XXYLT1: variants seen among roughly 807,000 people sequenced by gnomAD.
XXYLT1 encodes the protein UDP-xylose:alpha-xyloside alpha-1,3-xylosyltransferase.
A neutral mutation model predicts 28.9 loss-of-function variants in XXYLT1; 20 were observed. The observed-to-expected ratio is 0.69, with a 90% CI of 0.49 to 1.00. The LOEUF (loss-of-function observed/expected upper bound fraction) is 1.00. Ranked by LOEUF, XXYLT1 falls within the 50% of genes least tolerant of loss-of-function variation. The pLI, the probability that XXYLT1 is intolerant of heterozygous loss-of-function variation, is 0.00. For synonymous variants in XXYLT1, 257 were observed against 253.8 expected (o/e 1.01, Z -0.12); for missense variants, 542 against 560.1 (o/e 0.97, Z 0.33).
intron 1 of XXYLT1, among the ~76,000 whole-genome samples, chr3:195,249,223 C>T (rs892057343): frequency 2.6e-5 from 4 of 152,190 alleles, no homozygotes; most frequent in Non-Finnish European, 1.5e-5. Flanking sequence ...ACCTACTCAC[C>T]TAATTCACCT....
At chr3:195,218,629 C>A (rs1373721313) in intron 2 of XXYLT1, among the ~76,000 whole-genome samples, 1 of 152,150 alleles carries the variant, frequency 6.6e-6, no homozygotes, top group African/African-American at 2.4e-5. Flanking sequence ...CATCTCACAC[C>A]GGTTCGAATG....
chr3:195,227,178 T>A (rs888339984), intron 1 of XXYLT1, among the ~76,000 whole-genome samples: 6 of 152,104 alleles, frequency 3.9e-5, no homozygotes, highest in Non-Finnish European at 8.8e-5. Flanking sequence ...CTTTTGAACA[T>A]GAAGCTGGGC....
At chr3:195,202,180 A>T (rs1368903034) in intron 2 of XXYLT1, among the ~76,000 whole-genome samples, 1 of 152,160 alleles carries the variant, frequency 6.6e-6, no homozygotes, top group Non-Finnish European at 1.5e-5. Context: ...CCGTCTCAAA[A>T]AAAAAGAGTA....
At chr3:195,105,306 C>T (rs1053008489) in intron 3 of XXYLT1, among the ~76,000 whole-genome samples, 3 of 152,156 alleles carry the variant, frequency 2.0e-5, no homozygotes, top group Admixed American at 6.5e-5. Context: ...TTTTAACAGA[C>T]GAATTTTCCC....
At position 195,078,084 on chromosome 3, in the gene XXYLT1, C is replaced by T. The variant is rs570428714; in HGVS notation, c.786-7973G>A. Among the ~76,000 whole-genome samples the T allele has an allele frequency of 7.9e-5, 12 of 152,192 alleles. No individual in the cohort carries two copies. In the East Asian group the frequency reaches 1.2e-3, roughly 15 times the overall value. ...TAAGCCTGGATCCCTACTCAGACGG[C>T]GGAGCCAGAAACAGCCATGGCGGAG... On this transcript the variant is annotated intron_variant, in intron 3 of 3. Coordinates refer to ENST00000310380, the MANE Select transcript of XXYLT1 (RefSeq NM_152531.5). This position sits in a 1 kb window ranked among gnomAD's most constrained non-coding sequence, Gnocchi z 5.0.
chr3:195,199,157 C>T (rs577951572), intron 2 of XXYLT1, among the ~76,000 whole-genome samples: 2 of 151,834 alleles, frequency 1.3e-5, no homozygotes, highest in South Asian at 4.2e-4. Context: ...GAGCATGGCC[C>T]GCAGGAGAGG....
chr3:195,156,644 C>T, intron 2 of XXYLT1, 63 bp from the exon 3 acceptor site: 1 of 1,586,220 alleles, frequency 6.3e-7, no homozygotes, highest in Admixed American at 1.8e-5. Context: ...CGGCCACGGA[C>T]AGAAAATGAA....
rs1345108970 is a variant in XXYLT1 at position 195,088,476 on chromosome 3, G to A, written c.786-18365C>T. The stretch of plus-strand genomic sequence containing the variant: ...CTGCAGCTGAGGGTCCTGTCTGTTA[G>A]AAGGAAAACTAACAAACAGAAAGGA... On this transcript the variant is annotated intron_variant, in intron 3 of 3. Transcript: ENST00000310380. 4.9e-5 allele frequency among the ~76,000 whole-genome samples: 7 copies of A among 142,256 alleles called. 1 individual carries two copies. The highest frequency in any genetic ancestry group is 2.5e-4 in the South Asian group (1 of 4,002). 93.3% of individuals were successfully genotyped at this position (142,256 alleles called of 152,430 possible).
At chr3:195,140,520 T>C (rs966039182) in intron 3 of XXYLT1, among the ~76,000 whole-genome samples, 13 of 152,184 alleles carry the variant, frequency 8.5e-5, no homozygotes, top group African/African-American at 3.1e-4. Context: ...AGAGGTTTAA[T>C]AGACCCACAG....
intron 3 of XXYLT1, among the ~76,000 whole-genome samples, chr3:195,125,689 A>G (rs1252566364): frequency 1.3e-5 from 2 of 152,234 alleles, no homozygotes; most frequent in Non-Finnish European, 2.9e-5. Context: ...AAGAAGCCAT[A>G]TTGATTTTCA....
At chr3:195,112,434 ACACG>A (rs10572344) in intron 3 of XXYLT1, among the ~76,000 whole-genome samples, 70,710 of 150,204 alleles carry the variant, frequency 0.47, 17,736 homozygotes, top group Non-Finnish European at 0.55. Flanking sequence ...ACATGCACAC[ACACG>A]CACGCACACC....
chr3:195,141,993 A>C (rs1278399853), intron 3 of XXYLT1, among the ~76,000 whole-genome samples: 1 of 152,256 alleles, frequency 6.6e-6, no homozygotes, highest in Non-Finnish European at 1.5e-5. Context: ...CACGTGATTC[A>C]TGTAATCACA....
At position 195,076,740 on chromosome 3, in the gene XXYLT1, A is replaced by T. The variant is rs763154209; in HGVS notation, c.786-6629T>A. Among the ~76,000 whole-genome samples, 2 of 151,896 alleles carry T rather than the reference A, an allele frequency of 1.3e-5. No individual in the cohort carries two copies. Among genetic ancestry groups the T allele is most frequent in the Non-Finnish European group, 2.9e-5 (2 of 67,960 alleles). On this transcript the variant is annotated intron_variant, in intron 3 of 3. Coordinates refer to ENST00000310380, the MANE Select transcript of XXYLT1 (RefSeq NM_152531.5). This position sits in a 1 kb window ranked among gnomAD's most constrained non-coding sequence, Gnocchi z 5.3. ...CCTGGTGGCTTGCTGGCAGTCTGGG[A>T]TCCTGGGAGAGGCATCACCCTGCTC...
At chr3:195,222,217 G>T (rs2108796402) in intron 2 of XXYLT1, among the ~76,000 whole-genome samples, 1 of 152,348 alleles carries the variant, frequency 6.6e-6, no homozygotes, top group South Asian at 2.1e-4. Flanking sequence ...ATCAGAATGG[G>T]CATAAGCTCC....
At chr3:195,243,544 G>C (rs1724874306) in intron 1 of XXYLT1, among the ~76,000 whole-genome samples, 1 of 152,140 alleles carries the variant, frequency 6.6e-6, no homozygotes, top group Non-Finnish European at 1.5e-5. Context: ...CTTAAATGAG[G>C]TTTTCCTGGA....
At position 195,069,745 on chromosome 3, in the gene XXYLT1, C is replaced by T. The variant is rs371669592; in HGVS notation, c.1152G>A (p.Gly384=). 15 of 1,613,610 alleles carry T rather than the reference C, an allele frequency of 9.3e-6. No homozygotes were observed. Among genetic ancestry groups the T allele is most frequent in the African/African-American group, 8.0e-5 (6 of 74,934 alleles). Residue 384 remains glycine, a synonymous_variant, in exon 4 of 4, where the codon GGG becomes GGA. Coordinates refer to ENST00000310380, the MANE Select transcript of XXYLT1 (RefSeq NM_152531.5). ...CCTCCGGGATGGGAGTGTTGCAGTTCCCGTGGTAGATCTTGACGTGGCCCT... is the reference window on the plus strand; with the variant it reads ...CCTCCGGGATGGGAGTGTTGCAGTTTCCGTGGTAGATCTTGACGTGGCCCT... The part of the protein sequence containing the change: ...RCEGHVKIYH[G]NCNTPIPED
intron 2 of XXYLT1, among the ~76,000 whole-genome samples, chr3:195,201,038 T>C (rs1430277487): frequency 6.6e-6 from 1 of 152,202 alleles, no homozygotes; most frequent in Non-Finnish European, 1.5e-5. Context: ...TTTTACTGTA[T>C]ATAAATTTTA....
At chr3:195,216,059 C>A (rs1390726022) in intron 2 of XXYLT1, among the ~76,000 whole-genome samples, 1 of 151,744 alleles carries the variant, frequency 6.6e-6, no homozygotes, top group East Asian at 1.9e-4. Flanking sequence ...GAACAACCTG[C>A]TCCTGAATGA....
Position 195,070,952 on chromosome 3 carries a change from C to G in XXYLT1, c.786-841G>C, listed in dbSNP as rs553265452. 5.9e-5 allele frequency among the ~76,000 whole-genome samples: 9 copies of G among 152,342 alleles called. No individual in the cohort carries two copies. In the South Asian group the frequency reaches 1.9e-3, roughly 32 times the overall value. ...ATAGTTCAGGGAGTGTTAGCCTCTT[C>G]TAGGTCCTCTACCCAAATGCTTCCA... On this transcript the variant is annotated intron_variant, in intron 3 of 3. Coordinates refer to ENST00000310380, the MANE Select transcript of XXYLT1 (RefSeq NM_152531.5).
Sources: gnomAD v4.1 joint callset for allele counts (sites outside exome capture counted in the v4.1 genomes callset) on GRCh38, gnomAD v4.1.1 for gene constraint, Gnocchi (gnomAD v3.1) non-coding constraint, MANE v1.5 for transcripts, NCBI Gene and HGNC (gene_info 2026-07-23, HGNC 2026-07-21) for gene names.